ZBTB25: variants seen among roughly 807,000 people sequenced by gnomAD.
ZBTB25 encodes the protein zinc finger and BTB domain-containing protein 25.
In ZBTB25, 20 loss-of-function variants were observed where a neutral mutation model predicts 34.2. That is an observed-to-expected ratio of 0.58 (90% CI 0.41 to 0.85). The LOEUF (loss-of-function observed/expected upper bound fraction) is 0.85, where lower values mean the gene tolerates loss of function less well. Among genes scored for constraint, ZBTB25 ranks in the 40% least tolerant of loss-of-function variants. The pLI, the probability that ZBTB25 is intolerant of heterozygous loss-of-function variation, is 0.00. For missense variants in ZBTB25, 437 were observed against 521.8 expected, an observed-to-expected ratio of 0.84 and a Z score of 1.58; for synonymous variants, 175 against 186.4, an observed-to-expected ratio of 0.94 and a Z score of 0.50.
intron 2 of ZBTB25, among the ~76,000 whole-genome samples, chr14:64,463,842 C>T (rs1209666172): frequency 1.3e-5 from 2 of 152,160 alleles, no homozygotes; most frequent in Non-Finnish European, 2.9e-5. Context: ...GCCTGAAACT[C>T]TTGCAAACTC....
At position 64,483,202 on chromosome 14, in the gene ZBTB25, T is replaced by C. The variant is rs1346406856; in HGVS notation, c.*3721A>G. ...TTGGTAATCATTATGCAAACTGCAC[T>C]ATACTATTAGGATACTGGCTAACAG... On this transcript the variant is annotated 3_prime_UTR_variant, in exon 3 of 3. Transcript: ENST00000608382. 1.3e-5 allele frequency: 2 copies of C among 152,214 alleles called. No homozygotes were observed. The highest frequency in any genetic ancestry group is 4.8e-5 in the African/African-American group (2 of 41,458). 9.4% of individuals were successfully genotyped at this position (152,214 alleles called of 1,614,324 possible).
intron 2 of ZBTB25, chr14:64,472,720 C>T (rs1331355214): frequency 6.0e-6 from 1 of 166,674 alleles, no homozygotes; most frequent in Non-Finnish European, 1.5e-5. Flanking sequence ...TAAGGTGATT[C>T]AAATTGTTTT....
chr14:64,464,007 G>T (rs1439214823), intron 2 of ZBTB25, among the ~76,000 whole-genome samples: 6 of 152,038 alleles, frequency 3.9e-5, no homozygotes, highest in African/African-American at 9.7e-5. Flanking sequence ...TTCGATAGAC[G>T]TGTTTGCTGA....
At chr14:64,491,365 C>A (rs2079071011) in intron 1 of ZBTB25, among the ~76,000 whole-genome samples, 1 of 152,116 alleles carries the variant, frequency 6.6e-6, no homozygotes, top group Non-Finnish European at 1.5e-5. Flanking sequence ...ACTTGAGGGG[C>A]TGAGGCAGGA....
intron 1 of ZBTB25, among the ~76,000 whole-genome samples, chr14:64,497,346 C>CT (rs1042087460): frequency 2.6e-5 from 4 of 152,114 alleles, no homozygotes; most frequent in Admixed American, 6.5e-5. Flanking sequence ...TTTGTATAGC[C>CT]TTTGCTCATC....
At chr14:64,469,605 T>C (rs1175445688) in intron 2 of ZBTB25, 2 of 1,612,568 alleles carry the variant, frequency 1.2e-6, no homozygotes, top group South Asian at 1.1e-5. Context: ...AAGAATGCTA[T>C]TCAGTTGTCA....
Position 64,487,951 on chromosome 14 carries a change from G to A in ZBTB25, c.280C>T (p.Arg94Cys), listed in dbSNP as rs776514676. The A allele has an allele frequency of 1.9e-5, 31 of 1,613,996 alleles. No homozygotes were observed. Among genetic ancestry groups the A allele is most frequent in the East Asian group, 6.7e-5 (3 of 44,878 alleles). ...AGAAATCGAATCCCTTCCTCCAAACGACTATGATCCACAATCTGTTTTGGC... is the reference window on the plus strand; with the variant it reads ...AGAAATCGAATCCCTTCCTCCAAACAACTATGATCCACAATCTGTTTTGGC... ...KGPKQIVDHS[R>C]LEEGIRFLHA... The change falls in exon 3 of 3, where the codon CGT becomes TGT. Residue 94 changes from arginine (R) to cysteine (C), a missense_variant. Arg to Cys is a radical substitution (Grantham distance 180). Coordinates refer to ENST00000608382, the MANE Select transcript of ZBTB25 (RefSeq NM_006977.5).
At position 64,487,224 on chromosome 14, in the gene ZBTB25, T is replaced by C; in HGVS notation, c.1007A>G (p.Glu336Gly). ...SLISKDTEPV[E>G]LNCNFSFSRK... ...TGAAAAAGAAAAATTACAGTTTAAT[T>C]CTACTGGCTCTGTGTCTTTGGAGAT... The change falls in exon 3 of 3, where the codon GAA (glutamate) becomes GGA (glycine). Residue 336 changes from glutamate (E) to glycine (G), a missense_variant. Transcript: ENST00000608382. The C allele has an allele frequency of 6.2e-7, 1 of 1,614,178 alleles. No individual in the cohort carries two copies. Among genetic ancestry groups the C allele is most frequent in the Non-Finnish European group, 8.5e-7 (1 of 1,180,030 alleles).
intron 2 of ZBTB25, chr14:64,462,903 A>C (rs2078569471): frequency 6.6e-6 from 1 of 152,190 alleles, no homozygotes; most frequent in South Asian, 2.1e-4. Context: ...GTTATAAGTC[A>C]TTTTTGGTAG....
intron 1 of ZBTB25, chr14:64,502,795 T>C (rs574312100): frequency 1.0e-6 from 1 of 956,206 alleles, no homozygotes; most frequent in African/African-American, 1.8e-5. Flanking sequence ...TACATCACGC[T>C]CTTCAGGCCT....
chr14:64,479,421 G>GA lies in ZBTB25; in HGVS notation c.*7501dup, dbSNP rs1210034231. The GA allele has an allele frequency of 6.6e-6, 1 of 152,102 alleles. No individual in the cohort carries two copies. Among genetic ancestry groups the GA allele is most frequent in the East Asian group, 1.9e-4 (1 of 5,202 alleles). 9.4% of individuals were successfully genotyped at this position (152,102 alleles called of 1,614,324 possible). On this transcript the variant is annotated 3_prime_UTR_variant, in exon 3 of 3. Coordinates refer to ENST00000608382, the MANE Select transcript of ZBTB25 (RefSeq NM_006977.5). The stretch of plus-strand genomic sequence containing the variant: ...ATCGTCAAATGTCTCTATGGGGGGG[G>GA]ATAGCCCTGTGTAATGTTTAATTTT...
rs769341563 is a variant in ZBTB25, at chr14:64,480,389, A to G, written c.*6534T>C. On this transcript the variant is annotated 3_prime_UTR_variant, in exon 3 of 3. Coordinates refer to ENST00000608382, the MANE Select transcript of ZBTB25 (RefSeq NM_006977.5). ...AACTTCTGGGAAATGACGAAATACT[A>G]CCTTTCTTTCCAGAGACAGCAGTTG... 2.6e-6 allele frequency: 1 copy of G among 391,634 alleles called. No individual in the cohort carries two copies. The highest frequency in any genetic ancestry group is 1.9e-5 in the South Asian group (1 of 52,538). The allele number at this position is 391,634 out of a possible 1,614,324, so 24.3% of individuals were successfully genotyped here.
chr14:64,451,268 T>G (rs1161952563), intron 2 of ZBTB25, among the ~76,000 whole-genome samples: 2 of 152,182 alleles, frequency 1.3e-5, no homozygotes, highest in Non-Finnish European at 2.9e-5. Flanking sequence ...GTGATCCTCC[T>G]GCCTCAGCCT....
At chr14:64,475,588 G>GT (rs1450774341), downstream of ZBTB25, among the ~76,000 whole-genome samples, 1 of 151,956 alleles carries the variant, frequency 6.6e-6, no homozygotes, top group Admixed American at 6.6e-5. Flanking sequence ...ACCCTTTTGT[G>GT]AATACCTACT....
chr14:64,479,728 T>G lies in ZBTB25; in HGVS notation c.*7195A>C, dbSNP rs1191992535. ...ATCAGCTCTTCTTGAGTTTCAAGCC[T>G]GCCAGCTTTTGGACTGGAACTTATG... On this transcript the variant is annotated 3_prime_UTR_variant, in exon 3 of 3. Transcript: ENST00000608382. 1 of 152,220 alleles carries G rather than the reference T, an allele frequency of 6.6e-6. No individual in the cohort carries two copies. The highest frequency in any genetic ancestry group is 2.4e-5 in the African/African-American group (1 of 41,442). 9.4% of individuals were successfully genotyped at this position (152,220 alleles called of 1,614,324 possible).
chr14:64,469,072 A>C, intron 2 of ZBTB25: 1 of 1,614,042 alleles, frequency 6.2e-7, no homozygotes, highest in Non-Finnish European at 8.5e-7. Context: ...TTCAAACGGG[A>C]ACTCTAATCC....
At chr14:64,457,938 G>A (rs559790128) in intron 2 of ZBTB25, 15 of 542,116 alleles carry the variant, frequency 2.8e-5, no homozygotes, top group South Asian at 6.7e-5. Context: ...TTGCTCTGTC[G>A]CCCAGGCAAT....
chr14:64,489,660 C>T (rs1168941977), intron 2 of ZBTB25, among the ~76,000 whole-genome samples: 4 of 151,466 alleles, frequency 2.6e-5, no homozygotes, highest in African/African-American at 7.3e-5. Context: ...CTCAGCCTCC[C>T]GAGTAGCTGG....
At chr14:64,472,026 G>C (rs1001166263) in intron 2 of ZBTB25, 1 of 166,362 alleles carries the variant, frequency 6.0e-6, no homozygotes, top group South Asian at 2.1e-4. Context: ...CTTATAATCC[G>C]GGGAGGAGGG....
Sources: gnomAD v4.1 joint callset for allele counts (sites outside exome capture counted in the v4.1 genomes callset) on GRCh38, gnomAD v4.1.1 for gene constraint, MANE v1.5 for transcripts, NCBI Gene and HGNC (gene_info 2026-07-23, HGNC 2026-07-21) for gene names.